Variants in DNAH14 observed in about 807,000 individuals in gnomAD.
DNAH14 encodes dynein axonemal heavy chain 14, also known as axonemal beta dynein heavy chain 14.
In DNAH14, 478 loss-of-function variants were observed where a neutral mutation model predicts 520.9. The ratio of observed to expected loss-of-function variants is 0.92; its 90% confidence interval spans 0.85 to 0.99. The LOEUF (loss-of-function observed/expected upper bound fraction) is 0.99, where lower values mean the gene tolerates loss of function less well. Among genes scored for constraint, DNAH14 ranks in the 50% least tolerant of loss-of-function variants. The pLI, the probability that DNAH14 is intolerant of heterozygous loss-of-function variation, is 0.00. For synonymous variants in DNAH14, 1,581 were observed against 1,757.2 expected (o/e 0.90, Z 2.51); for missense variants, 4,831 against 5,234.5 (o/e 0.92, Z 2.38).
At chr1:224,944,343 G>A (rs371427134) in intron 1 of DNAH14, among the ~76,000 whole-genome samples, 1 of 152,000 alleles carries the variant, frequency 6.6e-6, no homozygotes. Context: ...CCATTTGCTT[G>A]GTAGATCTTC....
In DNAH14 at chr1:225,315,463, G is replaced by A. The variant is rs192119854; in HGVS notation, c.9241-3120G>A. Among the ~76,000 whole-genome samples the A allele has an allele frequency of 2.0e-3, 305 of 151,910 alleles. 2 individuals are homozygous for A. The highest frequency in any genetic ancestry group is 3.4e-3 in the Non-Finnish European group (229 of 67,958). ...TGTCAACTCATCAAACTCATTCTCC[G>A]TCCAGTTTTGTTCCCTTGCTAGCAA... On this transcript the variant is annotated intron_variant, in intron 60 of 85. Coordinates refer to ENST00000682510, the MANE Select transcript of DNAH14 (RefSeq NM_001367479.1).
chr1:225,095,142 A>G (rs1202440397), intron 21 of DNAH14, among the ~76,000 whole-genome samples: 6 of 152,174 alleles, frequency 3.9e-5, no homozygotes, highest in Non-Finnish European at 8.8e-5. Context: ...CAATCCCATT[A>G]TTGAGTATAT....
chr1:225,335,275 T>TGTGTATATGCAGATACACACGTGTACA (rs1558425838), intron 66 of DNAH14, among the ~76,000 whole-genome samples: 1 of 79,204 alleles, frequency 1.3e-5, no homozygotes, highest in Admixed American at 1.3e-4. Context: ...CACGTGTACA[T>TGTGTATATGCAGATACACACGTGTACA]TGTGTGTATA....
intron 41 of DNAH14, among the ~76,000 whole-genome samples, chr1:225,211,278 T>C (rs1387559998): frequency 6.6e-6 from 1 of 152,142 alleles, no homozygotes; most frequent in Non-Finnish European, 1.5e-5. Context: ...GAGGAATTGA[T>C]AAGTAGACTA....
rs181126197 is a variant in DNAH14, at chr1:225,290,047, A to C, written c.8434A>C (p.Thr2812Pro). Residue 2812 changes from threonine (T) to proline (P), a missense_variant, in exon 55 of 86, where the codon ACT (threonine) becomes CCT (proline). By Grantham distance (38) the Thr-to-Pro change is conservative. Transcript: ENST00000682510. The stretch of plus-strand genomic sequence containing the variant: ...TCACGCAGGATTAAAAGGGAAACCC[A>C]CTGTTCTGATGGTTCCCAATTTAAA... ...FIHAGLKGKPTVLMVPNLNIE... is the reference protein window; with the variant it reads ...FIHAGLKGKPPVLMVPNLNIE... 1.6e-5 allele frequency: 24 copies of C among 1,514,938 alleles called. No individual in the cohort carries two copies. In the Admixed American group the frequency reaches 3.7e-4, roughly 23 times the overall value. 93.8% of individuals were successfully genotyped at this position (1,514,938 alleles called of 1,614,324 possible).
chr1:225,080,784 C>T, intron 19 of DNAH14, 36 bp downstream of exon 19: 1 of 1,475,476 alleles, frequency 6.8e-7, no homozygotes, highest in South Asian at 1.5e-5. Context: ...CCACCTAGGT[C>T]TATATACCAA....
intron 84 of DNAH14, among the ~76,000 whole-genome samples, chr1:225,395,384 G>A (rs1038126717): frequency 6.6e-6 from 1 of 152,130 alleles, no homozygotes; most frequent in Non-Finnish European, 1.5e-5. Context: ...ACGAGGTCAG[G>A]AGATCGAGAC....
At chr1:224,962,212 GA>G (rs1437254206) in intron 4 of DNAH14, among the ~76,000 whole-genome samples, 3 of 152,114 alleles carry the variant, frequency 2.0e-5, no homozygotes, top group Admixed American at 2.0e-4. Context: ...CCCCTAAGTG[GA>G]AGCAGAACCT....
chr1:225,097,935 A>G (rs1053054063), intron 22 of DNAH14, among the ~76,000 whole-genome samples: 8 of 152,200 alleles, frequency 5.3e-5, no homozygotes, highest in Non-Finnish European at 4.4e-5. Context: ...GTGGTGGCTT[A>G]TGCCTGTAAT....
At chr1:225,290,647 G>GTA (rs56045354) in intron 55 of DNAH14, among the ~76,000 whole-genome samples, 166 of 57,514 alleles carry the variant, frequency 2.9e-3, no homozygotes, top group Middle Eastern at 9.4e-3. Flanking sequence ...GTGTGTGTGT[G>GTA]TATATATATA....
At position 225,252,293 on chromosome 1, in the gene DNAH14, G is replaced by A. The variant is rs539308444; in HGVS notation, c.6749-8G>A. The A allele has an allele frequency of 2.4e-5, 36 of 1,470,368 alleles. No individual in the cohort carries two copies. The highest frequency in any genetic ancestry group is 1.3e-4 in the African/African-American group (9 of 71,388). The allele number at this position is 1,470,368 out of a possible 1,614,324, so 91.1% of individuals were successfully genotyped here. A position where few individuals can be genotyped will look rare whatever the true frequency, so the allele number is the denominator to read the frequency against. ...TTTCTTAGTTGAATTTATTATTTTCGGTTGTAGGCATCAACCTACCAACTG... is the reference window on the plus strand; with the variant it reads ...TTTCTTAGTTGAATTTATTATTTTCAGTTGTAGGCATCAACCTACCAACTG... On this transcript the variant is annotated splice_polypyrimidine_tract_variant and splice_region_variant and intron_variant, in intron 43 of 85. Transcript: ENST00000682510.
At chr1:225,153,912 G>C in intron 34 of DNAH14, 86 bp downstream of exon 34, 1 of 992,916 alleles carries the variant, frequency 1.0e-6, no homozygotes, top group Non-Finnish European at 1.5e-6. Context: ...ATGATGCCAA[G>C]TTAAAACAGG....
chr1:225,287,377 A>G (rs750496940), intron 54 of DNAH14, among the ~76,000 whole-genome samples: 6 of 152,184 alleles, frequency 3.9e-5, no homozygotes, highest in African/African-American at 1.2e-4. Flanking sequence ...AACCATTCCA[A>G]TACCACAATA....
intron 43 of DNAH14, among the ~76,000 whole-genome samples, chr1:225,243,484 G>A (rs2092093049): frequency 6.6e-6 from 1 of 151,910 alleles, no homozygotes; most frequent in African/African-American, 2.4e-5. Flanking sequence ...CACCAAAATG[G>A]CCCATCATAT....
chr1:225,034,741 C>G (rs1049421261), intron 11 of DNAH14, among the ~76,000 whole-genome samples: 1 of 152,128 alleles, frequency 6.6e-6, no homozygotes, highest in African/African-American at 2.4e-5. Context: ...ATTACTGATT[C>G]AATTTTAGAG....
At chr1:224,952,904 T>C (rs1231007910) in intron 2 of DNAH14, 125 bp downstream of exon 2, 2 of 647,890 alleles carry the variant, frequency 3.1e-6, no homozygotes, top group Admixed American at 4.0e-5. Flanking sequence ...TTGATGATTC[T>C]AGAGTTTAGA....
intron 21 of DNAH14, 127 bp from the exon 22 acceptor site, chr1:225,096,991 C>A: frequency 3.8e-6 from 3 of 798,244 alleles, no homozygotes; most frequent in South Asian, 3.2e-5. Context: ...ATTTATGTGA[C>A]TTTCTATTAA....
intron 77 of DNAH14, among the ~76,000 whole-genome samples, chr1:225,372,409 G>C (rs2095629742): frequency 6.6e-6 from 1 of 151,984 alleles, no homozygotes; most frequent in South Asian, 2.1e-4. Flanking sequence ...CATAGTTGAG[G>C]GTGCAAAAAT....
chr1:225,288,885 T>C (rs1432160567), intron 54 of DNAH14, among the ~76,000 whole-genome samples: 3 of 152,160 alleles, frequency 2.0e-5, no homozygotes, highest in Non-Finnish European at 4.4e-5. Flanking sequence ...GTACAACTAC[T>C]TTGGAAAATG....
Sources: allele counts gnomAD v4.1 joint callset (sites outside exome capture counted in the v4.1 genomes callset), GRCh38; gene constraint gnomAD v4.1.1; transcripts MANE v1.5; gene names NCBI Gene and HGNC (gene_info 2026-07-23, HGNC 2026-07-21).